Variants in GRID2 observed in about 807,000 individuals in gnomAD.
GRID2 encodes the protein glutamate receptor ionotropic, delta-2.
In GRID2, 33 loss-of-function variants were observed where a neutral mutation model predicts 114.8. The ratio of observed to expected loss-of-function variants is 0.29; its 90% CI spans 0.22 to 0.38. The LOEUF is 0.38. GRID2 is among the 10% of genes least tolerant of loss of function. The probability of loss-of-function intolerance (pLI) is 1.00; values close to 1 mark genes in which losing one functional copy is unlikely to be tolerated. For missense variants in GRID2, 1,184 were observed against 1,257.7 expected (o/e 0.94, Z 0.89); for synonymous variants, 505 against 449.9 (o/e 1.12, Z -1.55).
At chr4:93,103,178 AGCG>A (rs541297729) in intron 3 of GRID2, among the ~76,000 whole-genome samples, 5 of 152,188 alleles carry the variant, frequency 3.3e-5, no homozygotes, top group Admixed American at 3.3e-4. Flanking sequence ...TCCTTCCACC[AGCG>A]CTAACTTGGG....
At chr4:93,579,716 A>G (rs1736772286) in intron 13 of GRID2, among the ~76,000 whole-genome samples, 1 of 152,130 alleles carries the variant, frequency 6.6e-6, no homozygotes, top group Non-Finnish European at 1.5e-5. Context: ...GCATTTGTTT[A>G]GGATGCATTG....
At chr4:93,577,299 G>C (rs981260704) in intron 13 of GRID2, among the ~76,000 whole-genome samples, 2 of 152,118 alleles carry the variant, frequency 1.3e-5, no homozygotes, top group African/African-American at 4.8e-5. Flanking sequence ...TCAGGGAGTT[G>C]TCATGGAAAC....
At chr4:93,361,565 C>T (rs190997826) in intron 8 of GRID2, among the ~76,000 whole-genome samples, 49 of 151,776 alleles carry the variant, frequency 3.2e-4, no homozygotes, top group Admixed American at 1.2e-3. Context: ...TCTGGTCATG[C>T]ATGTTGTCCA....
intron 1 of GRID2, among the ~76,000 whole-genome samples, chr4:92,554,939 G>A (rs1348366418): frequency 2.0e-5 from 3 of 152,018 alleles, no homozygotes; most frequent in African/African-American, 7.3e-5. Flanking sequence ...TGTGTTTATT[G>A]CTCGTCAGTA....
At chr4:92,393,897 A>G (rs969227095) in intron 1 of GRID2, among the ~76,000 whole-genome samples, 2 of 152,176 alleles carry the variant, frequency 1.3e-5, no homozygotes, top group East Asian at 3.8e-4. Flanking sequence ...GTCATTTTGA[A>G]TAAAAGTTGT....
chr4:92,898,721 G>A lies in GRID2; in HGVS notation c.245-186274G>A, dbSNP rs145953653. On this transcript the variant is annotated intron_variant, in intron 2 of 15. Transcript: ENST00000282020. ...CTTTGATTATTATTACTAATGTAGC[G>A]CTTACAGATACTGTAAATTAGATCT... Among the ~76,000 whole-genome samples, 257 of 152,150 alleles carry A rather than the reference G, an allele frequency of 1.7e-3. 2 individuals are homozygous for A. The highest frequency in any genetic ancestry group is 5.4e-3 in the East Asian group (28 of 5,166).
intron 14 of GRID2, among the ~76,000 whole-genome samples, chr4:93,656,185 A>G (rs1378903166): frequency 1.3e-5 from 2 of 151,964 alleles, no homozygotes; most frequent in Non-Finnish European, 2.9e-5. Context: ...TGAGAAAAAA[A>G]TAATTGTTTA....
chr4:92,737,707 A>G (rs951423892), intron 2 of GRID2, among the ~76,000 whole-genome samples: 1 of 152,186 alleles, frequency 6.6e-6, no homozygotes, highest in Admixed American at 6.6e-5. Flanking sequence ...TAGAATAAAC[A>G]GATACCTCTT....
chr4:93,658,043 T>C (rs1212505106), intron 14 of GRID2, among the ~76,000 whole-genome samples: 1 of 152,212 alleles, frequency 6.6e-6, no homozygotes, highest in East Asian at 1.9e-4. Flanking sequence ...AGGTTATTGC[T>C]CTTACCTTCT....
At chr4:92,924,170 G>T (rs550503467) in intron 2 of GRID2, among the ~76,000 whole-genome samples, 2 of 152,080 alleles carry the variant, frequency 1.3e-5, no homozygotes, top group Non-Finnish European at 2.9e-5. Context: ...AACACCACAT[G>T]TTCTCACTCA....
intron 14 of GRID2, among the ~76,000 whole-genome samples, chr4:93,683,418 C>A (rs548339004): frequency 6.6e-5 from 10 of 152,150 alleles, no homozygotes; most frequent in African/African-American, 9.6e-5. Flanking sequence ...GAACATGATC[C>A]TATGAGCCTA....
chr4:93,240,843 T>C (rs1023669590), intron 8 of GRID2, among the ~76,000 whole-genome samples: 1 of 151,590 alleles, frequency 6.6e-6, no homozygotes, highest in Non-Finnish European at 1.5e-5. Flanking sequence ...AGATATAATT[T>C]AAGTGCACAA....
intron 1 of GRID2, among the ~76,000 whole-genome samples, chr4:92,458,124 G>A (rs1721306673): frequency 6.6e-6 from 1 of 152,132 alleles, no homozygotes; most frequent in Non-Finnish European, 1.5e-5. Context: ...AAATGGTCAT[G>A]TCTTTTTTAT....
chr4:92,671,037 A>G (rs546374683), intron 2 of GRID2, among the ~76,000 whole-genome samples: 16 of 152,158 alleles, frequency 1.1e-4, no homozygotes, highest in Non-Finnish European at 1.8e-4. Context: ...TCACATTGCT[A>G]TAAAGAACTA....
chr4:92,822,270 C>T, intron 2 of GRID2: 1 of 574,200 alleles, frequency 1.7e-6, no homozygotes, highest in Non-Finnish European at 3.4e-6. Context: ...GTTGAGATCG[C>T]ATGGCATGGC....
intron 4 of GRID2, among the ~76,000 whole-genome samples, chr4:93,197,679 T>C (rs1302340100): frequency 6.6e-6 from 1 of 152,128 alleles, no homozygotes; most frequent in African/African-American, 2.4e-5. Context: ...CATTTAGCCA[T>C]TTAGTCCTCA....
chr4:92,742,238 T>G (rs1736927876), intron 2 of GRID2, among the ~76,000 whole-genome samples: 1 of 152,202 alleles, frequency 6.6e-6, no homozygotes, highest in African/African-American at 2.4e-5. Flanking sequence ...AACTCTCCTG[T>G]TAGTAAATTA....
At chr4:92,804,394 A>G (rs1238517875) in intron 2 of GRID2, among the ~76,000 whole-genome samples, 1 of 152,024 alleles carries the variant, frequency 6.6e-6, no homozygotes, top group Non-Finnish European at 1.5e-5. Flanking sequence ...ATTATAATAG[A>G]TATGAATACT....
At chr4:93,063,053 G>A (rs1727941795) in intron 2 of GRID2, among the ~76,000 whole-genome samples, 1 of 151,850 alleles carries the variant, frequency 6.6e-6, no homozygotes, top group African/African-American at 2.4e-5. Flanking sequence ...GCTGCATTCT[G>A]TTTCAAGACT....
Sources: gnomAD v4.1 joint callset for allele counts (sites outside exome capture counted in the v4.1 genomes callset) on GRCh38, gnomAD v4.1.1 for gene constraint, MANE v1.5 for transcripts, NCBI Gene and HGNC (gene_info 2026-07-23, HGNC 2026-07-21) for gene names.